CELA1: variants seen among roughly 807,000 people sequenced by gnomAD.
CELA1 encodes chymotrypsin like elastase 1.
A neutral mutation model predicts 34.8 loss-of-function variants in CELA1; 28 were observed. That is an observed-to-expected ratio of 0.80 (90% CI 0.60 to 1.10). CELA1 has a LOEUF of 1.10. CELA1 is among the 50% of genes least tolerant of loss of function. The pLI is 0.00. For synonymous variants in CELA1, 140 were observed against 129.8 expected, an observed-to-expected ratio of 1.08 and a Z score of -0.53; for missense variants, 288 against 327.5, an observed-to-expected ratio of 0.88 and a Z score of 0.93.
chr12:51,334,468 C>CTGT (rs1165521496), intron 6 of CELA1, among the ~76,000 whole-genome samples: 2 of 151,882 alleles, frequency 1.3e-5, no homozygotes, highest in Non-Finnish European at 2.9e-5. Flanking sequence ...GAGTCTTGCT[C>CTGT]TGTTGCCCAG....
intron 6 of CELA1, among the ~76,000 whole-genome samples, chr12:51,330,672 A>G (rs1946464022): frequency 6.6e-6 from 1 of 152,194 alleles, no homozygotes; most frequent in East Asian, 1.9e-4. Flanking sequence ...ATCACTAAAC[A>G]TCTAAAGAAT....
intron 5 of CELA1, 147 bp from the exon 6 acceptor site, chr12:51,340,152 C>T (rs977738552): frequency 1.3e-5 from 9 of 693,760 alleles, no homozygotes; most frequent in African/African-American, 3.6e-5. Context: ...GGTGGATCCT[C>T]TGTCTTCTCT....
At chr12:51,335,381 T>C (rs1387853994) in intron 6 of CELA1, among the ~76,000 whole-genome samples, 1 of 151,602 alleles carries the variant, frequency 6.6e-6, no homozygotes, top group African/African-American at 2.4e-5. Context: ...CTCAGCCTCC[T>C]GAGTAGCTAG....
At chr12:51,337,419 C>T (rs192402708) in intron 6 of CELA1, among the ~76,000 whole-genome samples, 1 of 151,314 alleles carries the variant, frequency 6.6e-6, no homozygotes, top group East Asian at 2.0e-4. Flanking sequence ...TGCCTGTGAT[C>T]CTAGCTACTT....
Position 51,328,446 on chromosome 12 carries a change from G to A in CELA1, c.*131C>T. 1 of 899,324 alleles carries A rather than the reference G, an allele frequency of 1.1e-6. No homozygotes were observed. The highest frequency in any genetic ancestry group is 1.8e-6 in the Non-Finnish European group (1 of 553,278). 55.7% of individuals were successfully genotyped at this position (899,324 alleles called of 1,614,324 possible). A position where few individuals can be genotyped will look rare whatever the true frequency, so the allele number is the denominator to read the frequency against. On this transcript the variant is annotated 3_prime_UTR_variant, in exon 8 of 8. Coordinates refer to ENST00000293636, the MANE Select transcript of CELA1 (RefSeq NM_001971.6). ...TTACAAATAGACACAGTATGATAAT[G>A]TATATCTAGTTTTATTTGCTTTTCT...
chr12:51,345,224 G>A (rs1832555307), intron 2 of CELA1, among the ~76,000 whole-genome samples: 1 of 152,128 alleles, frequency 6.6e-6, no homozygotes, highest in South Asian at 2.1e-4. Flanking sequence ...TGAAAACTGG[G>A]GCTCAGACTT....
Position 51,339,978 on chromosome 12 carries a change from T to A in CELA1, c.491A>T (p.Gln164Leu), listed in dbSNP as rs778951050. Reference sequence around the variant, plus strand: ...GTCCACAGAGGGCAGGTAAGCCTGCTGCAGGGTCTGGGCCAGCTGCCCATT... The same window carrying A: ...GTCCACAGAGGGCAGGTAAGCCTGCAGCAGGGTCTGGGCCAGCTGCCCATT... ...KTNGQLAQTL[Q>L]QAYLPSVDYA... Residue 164 changes from glutamine (Q) to leucine (L), a missense_variant, in exon 6 of 8, where the codon CAG becomes CTG. Physicochemically the swap from Gln to Leu is moderately radical, Grantham distance 113 (BLOSUM62 -2). Coordinates refer to ENST00000293636, the MANE Select transcript of CELA1 (RefSeq NM_001971.6). 1 of 1,613,954 alleles carries A rather than the reference T, an allele frequency of 6.2e-7. No individual in the cohort carries two copies. Among genetic ancestry groups the A allele is most frequent in the East Asian group, 2.2e-5 (1 of 44,880 alleles).
rs1211469451 is a variant in CELA1 at position 51,345,893 on chromosome 12, GA to G, written c.17-17del. On this transcript the variant is annotated splice_polypyrimidine_tract_variant and intron_variant, in intron 1 of 7. Transcript: ENST00000293636. ...GTGCTGTGTCCTTTGTGGGGCAGAA[GA>G]AAAGTGAGTGATGACTAAGCATGGG... The G allele has an allele frequency of 1.3e-6, 2 of 1,542,844 alleles. No individual in the cohort carries two copies. Among genetic ancestry groups the G allele is most frequent in the Admixed American group, 3.9e-5 (2 of 51,092 alleles).
At position 51,346,550 on chromosome 12, in the gene CELA1, C is replaced by T. The variant is rs1191108451; in HGVS notation, c.16+73G>A. On this transcript the variant is annotated intron_variant, in intron 1 of 7. Coordinates refer to ENST00000293636, the MANE Select transcript of CELA1 (RefSeq NM_001971.6). The stretch of plus-strand genomic sequence containing the variant: ...CTGACCTTCCTGCCCAAGTCCCCCT[C>T]CCTATAGACCTCAGGCCACATGATC... 7 of 1,451,202 alleles carry T rather than the reference C, an allele frequency of 4.8e-6. No homozygotes were observed. The African/African-American group carries it at 8.3e-5, about 17-fold the overall frequency. The allele number at this position is 1,451,202 out of a possible 1,614,324, so 89.9% of individuals were successfully genotyped here. A position where few individuals can be genotyped will look rare whatever the true frequency, so the allele number is the denominator to read the frequency against.
chr12:51,341,792 C>A (rs891182820), intron 4 of CELA1, among the ~76,000 whole-genome samples: 2 of 148,800 alleles, frequency 1.3e-5, no homozygotes, highest in South Asian at 2.2e-4. Context: ...ATAGAATTGA[C>A]CACCGTTTTA....
chr12:51,338,287 CATACACAT>C (rs1355686010), intron 6 of CELA1, among the ~76,000 whole-genome samples: 1 of 124,310 alleles, frequency 8.0e-6, no homozygotes, highest in Non-Finnish European at 1.6e-5. Flanking sequence ...CACACACACA[CATACACAT>C]ACGCATACAT....
At chr12:51,337,920 AC>A (rs1432659298) in intron 6 of CELA1, among the ~76,000 whole-genome samples, 1 of 146,978 alleles carries the variant, frequency 6.8e-6, no homozygotes, top group African/African-American at 2.5e-5. Context: ...CAAAAAAAAA[AC>A]AAATATATAT....
In CELA1 at chr12:51,346,629, G is replaced by GT. The variant is rs377599213; in HGVS notation, c.9_10insA (p.Leu4ThrfsTer21). ...CTGGACCATATCCACTTACCATAAAGGACCAGCATGTTGCCGATGGAGTAG... is the reference window on the plus strand; with the variant it reads ...CTGGACCATATCCACTTACCATAAAGTGACCAGCATGTTGCCGATGGAGTAG... On this transcript the variant is annotated frameshift_variant, in exon 1 of 8. Coordinates refer to ENST00000293636, the MANE Select transcript of CELA1 (RefSeq NM_001971.6). LOFTEE classifies it high-confidence loss of function. 30 of 1,475,946 alleles carry GT rather than the reference G, an allele frequency of 2.0e-5. No homozygotes were observed. Among genetic ancestry groups the GT allele is most frequent in the Non-Finnish European group, 2.5e-5 (27 of 1,101,856 alleles). 91.4% of individuals were successfully genotyped at this position (1,475,946 alleles called of 1,614,324 possible).
intron 6 of CELA1, among the ~76,000 whole-genome samples, chr12:51,335,629 C>CT (rs11410624): frequency 0.22 from 30,247 of 135,288 alleles, 4,013 homozygotes; most frequent in Non-Finnish European, 0.3. Context: ...TTTGTTCTTC[C>CT]TTTTTTTTTT....
intron 6 of CELA1, among the ~76,000 whole-genome samples, chr12:51,332,286 G>A (rs6580825): frequency 0.98 from 149,833 of 152,246 alleles, 73,768 homozygotes; most frequent in Middle Eastern, 1. Context: ...CATAGTAAAT[G>A]CCGAATGTTG....
intron 6 of CELA1, among the ~76,000 whole-genome samples, chr12:51,333,411 T>TG (rs1016715435): frequency 6.7e-6 from 1 of 148,516 alleles, no homozygotes; most frequent in Non-Finnish European, 1.5e-5. Context: ...TTTTGTTTTT[T>TG]TTTTTTTAAG....
chr12:51,341,244 T>C lies in CELA1; in HGVS notation c.463A>G (p.Thr155Ala). 1 of 1,614,082 alleles carries C rather than the reference T, an allele frequency of 6.2e-7. No homozygotes were observed. Among genetic ancestry groups the C allele is most frequent in the Non-Finnish European group, 8.5e-7 (1 of 1,179,992 alleles). The stretch of plus-strand genomic sequence containing the variant: ...GATTGTGCCAATGTAGGCAACTTAC[T>C]CTTGGTCTTGCCCCAGCCTGTGATG... Reference protein sequence around the residue: ...CYITGWGKTKTNGQLAQTLQQ... With the variant: ...CYITGWGKTKANGQLAQTLQQ... Residue 155 changes from threonine (T) to alanine (A), a missense_variant and splice_region_variant, in exon 5 of 8, where the codon ACC becomes GCC. Coordinates refer to ENST00000293636, the MANE Select transcript of CELA1 (RefSeq NM_001971.6).
intron 6 of CELA1, among the ~76,000 whole-genome samples, chr12:51,335,355 C>T (rs921709145): frequency 5.3e-5 from 8 of 151,916 alleles, no homozygotes; most frequent in Non-Finnish European, 8.8e-5. Flanking sequence ...CTCCTAGGTT[C>T]GAGCAATTCT....
chr12:51,328,865 G>A (rs549801594), intron 7 of CELA1, among the ~76,000 whole-genome samples: 1 of 152,298 alleles, frequency 6.6e-6, no homozygotes, highest in Non-Finnish European at 1.5e-5. Flanking sequence ...GAAGGGTGGA[G>A]GGCACAGTGA....
Sources: allele counts gnomAD v4.1 joint callset (sites outside exome capture counted in the v4.1 genomes callset), GRCh38; gene constraint gnomAD v4.1.1; transcripts MANE v1.5; gene names NCBI Gene and HGNC (gene_info 2026-07-23, HGNC 2026-07-21).